FBXW9: variants seen among roughly 807,000 people sequenced by gnomAD.
The protein encoded by FBXW9 is F-box and WD repeat domain containing 9.
A neutral mutation model predicts 55.8 loss-of-function variants in FBXW9; 38 were observed. That is an observed-to-expected ratio of 0.68 (90% CI 0.53 to 0.89). The LOEUF is 0.89. Ranked by LOEUF, FBXW9 falls within the 40% of genes least tolerant of loss-of-function variation. The pLI, the probability that FBXW9 is intolerant of heterozygous loss-of-function variation, is 0.00. For synonymous variants in FBXW9, 289 were observed against 278.2 expected, an observed-to-expected ratio of 1.04 and a Z score of -0.38; for missense variants, 590 against 619.4, an observed-to-expected ratio of 0.95 and a Z score of 0.50.
intron 3 of FBXW9, among the ~76,000 whole-genome samples, chr19:12,693,969 C>A (rs866721828): frequency 4.0e-5 from 6 of 151,368 alleles, no homozygotes; most frequent in African/African-American, 1.5e-4. Context: ...GCGGGCAGAC[C>A]ACGAGGTCTG....
Position 12,691,203 on chromosome 19 carries a change from GC to G in FBXW9, c.845del (p.Gly282AlafsTer7). The stretch of plus-strand genomic sequence containing the variant: ...AGATGGTCACCTTCTTGTCATAGGT[GC>G]CAGTCACCAGGATGTCAGGCAGGTA... ...LSYLPDILVT[G>X]TYDKKVTIYD... On this transcript the variant is annotated frameshift_variant, in exon 5 of 10. Coordinates refer to ENST00000393261, the MANE Select transcript of FBXW9 (RefSeq NM_032301.3). LOFTEE classifies it high-confidence loss of function. The G allele has an allele frequency of 6.2e-7, 1 of 1,614,202 alleles. No individual in the cohort carries two copies. The highest frequency in any genetic ancestry group is 2.2e-5 in the East Asian group (1 of 44,884).
rs1316417616 is a variant in FBXW9, at chr19:12,689,568, G to A, written c.1209C>T (p.Tyr403=). 37 of 1,613,986 alleles carry A rather than the reference G, an allele frequency of 2.3e-5. No homozygotes were observed. The highest frequency in any genetic ancestry group is 1.7e-4 in the African/African-American group (13 of 74,892). The change falls in exon 8 of 10, where the codon TAC becomes TAT. Residue 403 remains tyrosine (Y), a synonymous_variant. Coordinates refer to ENST00000393261, the MANE Select transcript of FBXW9 (RefSeq NM_032301.3). The surrounding 1 kb of genome is among the most constrained non-coding windows in gnomAD (Gnocchi z 5.9). The stretch of plus-strand genomic sequence containing the variant: ...GGATGGTCTTGTCAGTGGATGTGGT[G>A]TACAAGGCTCCCACGGAGTACTGGA... ...TGIQYSVGAL[Y]TTSTDKTIRV... is the part of the protein sequence containing the mutation.
Position 12,694,782 on chromosome 19 carries a change from C to T in FBXW9, c.549+17G>A. On this transcript the variant is annotated intron_variant, in intron 2 of 9. Coordinates refer to ENST00000393261, the MANE Select transcript of FBXW9 (RefSeq NM_032301.3). Reference sequence around the variant, plus strand: ...CCCTGGCCCACCCTGCCTGGCCCCCCACAGACCCCGTCTCACCTGGAGCAG... The same window carrying T: ...CCCTGGCCCACCCTGCCTGGCCCCCTACAGACCCCGTCTCACCTGGAGCAG... The T allele has an allele frequency of 6.2e-7, 1 of 1,613,810 alleles. No homozygotes were observed. The highest frequency in any genetic ancestry group is 8.5e-7 in the Non-Finnish European group (1 of 1,179,798).
At chr19:12,690,640 C>T (rs898264332) in intron 5 of FBXW9, among the ~76,000 whole-genome samples, 5 of 152,030 alleles carry the variant, frequency 3.3e-5, no homozygotes, top group African/African-American at 1.2e-4. Context: ...GAAAAATGGC[C>T]GGGCGCGGTG....
rs1284084385 is a variant in FBXW9, at chr19:12,689,803, C to A, written c.1104G>T (p.Leu368=). 6 of 1,614,152 alleles carry A rather than the reference C, an allele frequency of 3.7e-6. No individual in the cohort carries two copies. Among genetic ancestry groups the A allele is most frequent in the South Asian group, 1.1e-5 (1 of 91,088 alleles). ...QLWAGDNQGL[L]HVFANRNGCF... ...AGCCGTTGCGGTTGGCGAAGACGTG[C>A]AGCAGGCCCTGGTTGTCACCAGCCC... The change falls in exon 7 of 10, where the codon CTG becomes CTT. Residue 368 remains leucine (L), a synonymous_variant. Transcript: ENST00000393261. This position sits in a 1 kb window ranked among gnomAD's most constrained non-coding sequence, Gnocchi z 5.9.
rs6511832 is a variant in FBXW9 at position 12,696,252 on chromosome 19, G to C, written c.330C>G (p.Leu110=). The C allele has an allele frequency of 0.036, 56,668 of 1,566,982 alleles. 8,467 individuals are homozygous for C. In the African/African-American group the frequency reaches 0.46, roughly 13 times the overall value. Residue 110 remains leucine, a synonymous_variant, in exon 1 of 10, where the codon CTC becomes CTG. Coordinates refer to ENST00000393261, the MANE Select transcript of FBXW9 (RefSeq NM_032301.3). ...TGACATGGTCAGACACGAGGTCGCG[G>C]AGCGCGTGGCACACCCGCGACAGGA... is the stretch of plus-strand genomic sequence containing the variant. ...LHVLSRVCHA[L]RDLVSDHVTW... is the part of the protein sequence containing the mutation.
intron 3 of FBXW9, among the ~76,000 whole-genome samples, chr19:12,693,557 TATATACACACACACAC>T (rs1316679284): frequency 0.013 from 223 of 16,704 alleles, 1 homozygote; most frequent in Admixed American, 0.019. Flanking sequence ...TATATATATA[TATATACACACACACAC>T]ACACACACAC....
intron 3 of FBXW9, among the ~76,000 whole-genome samples, chr19:12,694,172 T>A: frequency 1.7e-5 from 2 of 117,408 alleles, no homozygotes; most frequent in African/African-American, 6.7e-5. Flanking sequence ...AGACTCCATC[T>A]CAAAAAAAAA....
At chr19:12,690,547 T>G (rs1254641952) in intron 5 of FBXW9, among the ~76,000 whole-genome samples, 1 of 152,080 alleles carries the variant, frequency 6.6e-6, no homozygotes, top group Non-Finnish European at 1.5e-5. Context: ...TTTGGGAGGC[T>G]GATATGGGCA....
chr19:12,693,520 AAAAAAAAAAAT>A (rs2025031816), intron 3 of FBXW9, among the ~76,000 whole-genome samples: 1 of 33,290 alleles, frequency 3.0e-5, no homozygotes, highest in Non-Finnish European at 5.8e-5. Flanking sequence ...AAAAAAAAAA[AAAAAAAAAAAT>A]ATATATATAT....
chr19:12,690,191 TC>T, intron 5 of FBXW9, 81 bp from the exon 6 acceptor site: 1 of 1,593,016 alleles, frequency 6.3e-7, no homozygotes. Flanking sequence ...ATCCCGGGTC[TC>T]CATCCTGTCT....
In FBXW9 at chr19:12,689,215, C is replaced by G. The variant is rs1471090141; in HGVS notation, c.*1G>C. 1 of 1,599,756 alleles carries G rather than the reference C, an allele frequency of 6.3e-7. No homozygotes were observed. Among genetic ancestry groups the G allele is most frequent in the African/African-American group, 1.3e-5 (1 of 74,640 alleles). ...CAGTATCCACATCCACGCCCACCTG[C>G]TCAGGCCTGCAGCCTCCAGACCTCT... On this transcript the variant is annotated 3_prime_UTR_variant, in exon 10 of 10. Coordinates refer to ENST00000393261, the MANE Select transcript of FBXW9 (RefSeq NM_032301.3). This position sits in a 1 kb window ranked among gnomAD's most constrained non-coding sequence, Gnocchi z 5.9.
At chr19:12,694,768 C>A in intron 2 of FBXW9, 31 bp downstream of exon 2, 4 of 1,613,848 alleles carry the variant, frequency 2.5e-6, no homozygotes, top group East Asian at 2.2e-5. Context: ...CCTGGCCCAC[C>A]CTGCCTGGCC....
chr19:12,696,268 C>T lies in FBXW9; in HGVS notation c.314G>A (p.Arg105Gln). Residue 105 changes from arginine (R) to glutamine (Q), a missense_variant, in exon 1 of 10, where the codon CGG becomes CAG. Arg to Gln is a conservative substitution (Grantham distance 43, BLOSUM62 1). Transcript: ENST00000393261. ...GAGGTCGCGGAGCGCGTGGCACACCCGCGACAGGACGTGGAGCACGAGGCG... is the reference window on the plus strand; with the variant it reads ...GAGGTCGCGGAGCGCGTGGCACACCTGCGACAGGACGTGGAGCACGAGGCG... Reference protein sequence around the residue: ...DARLVLHVLSRVCHALRDLVS... With the variant: ...DARLVLHVLSQVCHALRDLVS... 1 of 1,571,212 alleles carries T rather than the reference C, an allele frequency of 6.4e-7. No homozygotes were observed. Among genetic ancestry groups the T allele is most frequent in the South Asian group, 1.2e-5 (1 of 86,434 alleles).
At position 12,696,149 on chromosome 19, in the gene FBXW9, TCCCCGGCCCCCGGC is replaced by T. The variant is rs769844221; in HGVS notation, c.409+10_409+23del. 2 of 1,453,380 alleles carry T rather than the reference TCCCCGGCCCCCGGC, an allele frequency of 1.4e-6. No homozygotes were observed. Among genetic ancestry groups the T allele is most frequent in the African/African-American group, 1.4e-5 (1 of 69,724 alleles). The allele number at this position is 1,453,380 out of a possible 1,614,324, so 90.0% of individuals were successfully genotyped here. On this transcript the variant is annotated intron_variant, in intron 1 of 9. Transcript: ENST00000393261. ...CTGGGCGGGCGCCCCCGGCCCCCGG[TCCCCGGCCCCCGGC>T]CCCGCGCACCTTCCACCACTGGGTA...
chr19:12,694,713 G>A lies in FBXW9; in HGVS notation c.559C>T (p.Leu187Phe). The change falls in exon 3 of 10, where the codon CTC (leucine) becomes TTC (phenylalanine). Residue 187 changes from leucine to phenylalanine, a missense_variant. By Grantham distance (22) the Leu-to-Phe change is conservative. Transcript: ENST00000393261. ...DSVLLLQGGSLCLSGSRDRNV... is the reference protein window; with the variant it reads ...DSVLLLQGGSFCLSGSRDRNV... ...CGATCTCGGGAGCCCGACAGACAGA[G>A]TGACCCACCCTGGAAAGGGAGCAAG... is the stretch of plus-strand genomic sequence containing the variant. 6.2e-7 allele frequency: 1 copy of A among 1,614,214 alleles called. No individual in the cohort carries two copies. Among genetic ancestry groups the A allele is most frequent in the African/African-American group, 1.3e-5 (1 of 75,062 alleles).
rs1231502323 is a variant in FBXW9, at chr19:12,691,201, G to A, written c.848C>T (p.Thr283Ile). 1.2e-6 allele frequency: 2 copies of A among 1,614,078 alleles called. No individual in the cohort carries two copies. The highest frequency in any genetic ancestry group is 2.7e-5 in the African/African-American group (2 of 74,934). ...SYLPDILVTG[T>I]YDKKVTIYDP... ...GTAGATGGTCACCTTCTTGTCATAG[G>A]TGCCAGTCACCAGGATGTCAGGCAG... Residue 283 changes from threonine (T) to isoleucine (I), a missense_variant, in exon 5 of 10, where the codon ACC (threonine) becomes ATC (isoleucine). By Grantham distance (89) the Thr-to-Ile change is moderately conservative. Transcript: ENST00000393261.
In FBXW9 at chr19:12,696,603, G is replaced by A. The variant is rs766612876; in HGVS notation, c.-22C>T. On this transcript the variant is annotated 5_prime_UTR_variant, in exon 1 of 10. Transcript: ENST00000393261. ...CCATTGCGACCGGGTGGGCGCTGCC[G>A]GCCTCGCGTCTTGTCTCCTAGGCAG... The A allele has an allele frequency of 2.5e-6, 4 of 1,601,084 alleles. No homozygotes were observed. The highest frequency in any genetic ancestry group is 3.4e-6 in the Non-Finnish European group (4 of 1,178,792).
At position 12,689,322 on chromosome 19, in the gene FBXW9, G is replaced by A. The variant is rs1457098825; in HGVS notation, c.1303-32C>T. ...AGGGGGAGGAACATGAGGAGTCAGG[G>A]ACGATGGCGCTCTGGCCAGCTGGGC... On this transcript the variant is annotated intron_variant, in intron 9 of 9. Coordinates refer to ENST00000393261, the MANE Select transcript of FBXW9 (RefSeq NM_032301.3). This position sits in a 1 kb window ranked among gnomAD's most constrained non-coding sequence, Gnocchi z 5.9. 1 of 1,614,206 alleles carries A rather than the reference G, an allele frequency of 6.2e-7. No individual in the cohort carries two copies. Among genetic ancestry groups the A allele is most frequent in the Non-Finnish European group, 8.5e-7 (1 of 1,180,032 alleles).
Sources: allele counts gnomAD v4.1 joint callset (sites outside exome capture counted in the v4.1 genomes callset), GRCh38; gene constraint gnomAD v4.1.1; non-coding constraint Gnocchi (gnomAD v3.1); transcripts MANE v1.5; gene names NCBI Gene and HGNC (gene_info 2026-07-23, HGNC 2026-07-21).